EVC: variants seen among roughly 807,000 people sequenced by gnomAD.
The protein encoded by EVC is evC complex member EVC.
A neutral mutation model predicts 118.9 loss-of-function variants in EVC; 116 were observed. The ratio of observed to expected loss-of-function variants is 0.98; its 90% CI spans 0.84 to 1.14. The LOEUF is 1.14. Among genes scored for constraint, EVC ranks in the 50% most tolerant of loss-of-function variants. The pLI is 0.00. For missense variants in EVC, 1,401 were observed against 1,246.4 expected, an observed-to-expected ratio of 1.12 and a Z score of -1.87; for synonymous variants, 619 against 534.7, an observed-to-expected ratio of 1.16 and a Z score of -2.18.
chr4:5,826,157 T>C, the EVC span: 1 of 158,136 alleles, frequency 6.3e-6, no homozygotes, highest in Admixed American at 6.5e-5. Context: ...CAAAGCTTCA[T>C]GCAGGAGGAC....
chr4:5,770,151 A>G (rs1204972416), intron 11 of EVC, among the ~76,000 whole-genome samples: 1 of 152,138 alleles, frequency 6.6e-6, no homozygotes, highest in African/African-American at 2.4e-5. Flanking sequence ...AATATGTGAC[A>G]AGGCACACAG....
Position 5,719,300 on chromosome 4 carries a change from C to T in EVC, c.227C>T (p.Pro76Leu). Residue 76 changes from proline to leucine, a missense_variant, in exon 2 of 21, where the codon CCC (proline) becomes CTC (leucine). Transcript: ENST00000264956. This position sits in a 1 kb window ranked among gnomAD's most constrained non-coding sequence, Gnocchi z 4.7. ...LKNLESNAQT[P>L]SETGSPSRRR... ...AATTTGGAGTCTAATGCGCAGACCC[C>T]CTCGGAAACTGGCTCCCCATCAAGG... The T allele has an allele frequency of 6.2e-7, 1 of 1,614,156 alleles. No individual in the cohort carries two copies. Among genetic ancestry groups the T allele is most frequent in the Admixed American group, 1.7e-5 (1 of 60,026 alleles).
chr4:5,805,854 C>T (rs922561282), intron 17 of EVC, among the ~76,000 whole-genome samples: 1 of 150,700 alleles, frequency 6.6e-6, no homozygotes, highest in Non-Finnish European at 1.5e-5. Flanking sequence ...CCTTCCCTCC[C>T]TGTCACACCT....
At chr4:5,790,459 C>T (rs1299827771) in intron 12 of EVC, among the ~76,000 whole-genome samples, 1 of 152,138 alleles carries the variant, frequency 6.6e-6, no homozygotes, top group African/African-American at 2.4e-5. Flanking sequence ...CTCCAGGATG[C>T]CAGAGGTACA....
intron 6 of EVC, among the ~76,000 whole-genome samples, chr4:5,744,026 G>T (rs746904944): frequency 6.6e-6 from 1 of 152,178 alleles, no homozygotes; most frequent in East Asian, 1.9e-4. Context: ...AAGGCTGTCT[G>T]AACTTAAGCA....
chr4:5,737,149 C>T lies in EVC; in HGVS notation c.702+3714C>T, dbSNP rs62300360. Among the ~76,000 whole-genome samples the T allele has an allele frequency of 0.092, 14,062 of 152,240 alleles. 680 individuals are homozygous for T. The highest frequency in any genetic ancestry group is 0.13 in the African/African-American group (5,263 of 41,542). On this transcript the variant is annotated intron_variant, in intron 5 of 20. Transcript: ENST00000264956. The surrounding 1 kb of genome is among the most constrained non-coding windows in gnomAD (Gnocchi z 5.0). ...GAGTGGTCTGCATAGAAGATCAAAC[C>T]AGACACAACATCCCCTTAAGCCAAA...
chr4:5,761,317 G>T (rs572701315), intron 11 of EVC, among the ~76,000 whole-genome samples: 12 of 152,092 alleles, frequency 7.9e-5, no homozygotes, highest in African/African-American at 2.9e-4. Context: ...CTGGGTCCAG[G>T]GTCCTGGGTG....
At chr4:5,828,348 C>CA in the EVC span, 1 of 1,434,416 alleles carries the variant, frequency 7.0e-7, no homozygotes, top group Non-Finnish European at 9.1e-7. Flanking sequence ...GCCAGCGTCT[C>CA]AACCCATTTA....
intron 5 of EVC, among the ~76,000 whole-genome samples, chr4:5,740,479 A>C (rs200867970): frequency 0.086 from 13,094 of 151,586 alleles, 759 homozygotes; most frequent in East Asian, 0.3. Flanking sequence ...TCAAAAAAAA[A>C]AAAAAAAAGA....
intron 1 of EVC, among the ~76,000 whole-genome samples, chr4:5,717,341 G>GT (rs1364942057): frequency 3.3e-5 from 5 of 152,060 alleles, no homozygotes; most frequent in Admixed American, 6.5e-5. Flanking sequence ...TTTGTTTAAA[G>GT]TTTTTTTTCC....
Position 5,783,717 on chromosome 4 carries a change from A to G in EVC, c.1729A>G (p.Arg577Gly), listed in dbSNP as rs2152289301. The change falls in exon 12 of 21, where the codon AGG becomes GGG. Residue 577 changes from arginine (R) to glycine (G), a missense_variant. Transcript: ENST00000264956. ...WQLGKSNRFR[R>G]QQWKLFQELL... Reference sequence around the variant, plus strand: ...GCTGGGGAAGTCAAATCGCTTCCGGAGGCAGCAGTGGAAACTCTTCCAGGA... The same window carrying G: ...GCTGGGGAAGTCAAATCGCTTCCGGGGGCAGCAGTGGAAACTCTTCCAGGA... 6.2e-7 allele frequency: 1 copy of G among 1,613,908 alleles called. No homozygotes were observed. Among genetic ancestry groups the G allele is most frequent in the East Asian group, 2.2e-5 (1 of 44,864 alleles).
intron 13 of EVC, among the ~76,000 whole-genome samples, 173 bp from the exon 14 acceptor site, chr4:5,796,849 C>T (rs542819882): frequency 5.9e-5 from 9 of 151,798 alleles, no homozygotes; most frequent in South Asian, 2.1e-4. Context: ...AAGCAGATGG[C>T]GGCGTGGTGC....
chr4:5,783,502 C>A (rs1420181387), intron 11 of EVC, 50 bp from the exon 12 acceptor site: 5 of 1,572,738 alleles, frequency 3.2e-6, no homozygotes, highest in Non-Finnish European at 4.4e-6. Flanking sequence ...TCAGGCCCCA[C>A]ACAGGGTCCT....
chr4:5,766,108 A>C lies in EVC; in HGVS notation c.1563+9746A>C, dbSNP rs562691255. Reference sequence around the variant, plus strand: ...TTTTAGGGCAGGCCTGGTGGTGACAAAATCTCTCAGCATTTGCTTGTCTGT... The same window carrying C: ...TTTTAGGGCAGGCCTGGTGGTGACACAATCTCTCAGCATTTGCTTGTCTGT... On this transcript the variant is annotated intron_variant, in intron 11 of 20. Coordinates refer to ENST00000264956, the MANE Select transcript of EVC (RefSeq NM_153717.3). Among the ~76,000 whole-genome samples, 95 of 138,832 alleles carry C rather than the reference A, an allele frequency of 6.8e-4. 4 individuals are homozygous for C. Among genetic ancestry groups the C allele is most frequent in the African/African-American group, 2.3e-3 (83 of 36,482 alleles). The allele number at this position is 138,832 out of a possible 152,430, so 91.1% of individuals were successfully genotyped here.
At chr4:5,808,586 T>C (rs950233412) in intron 18 of EVC, among the ~76,000 whole-genome samples, 7 of 152,174 alleles carry the variant, frequency 4.6e-5, no homozygotes, top group Admixed American at 4.6e-4. Context: ...GAGCAGCTGG[T>C]CAGGCCTCAT....
In EVC at chr4:5,796,369, T is replaced by C. The variant is rs186663737; in HGVS notation, c.1887-653T>C. Reference sequence around the variant, plus strand: ...GATGACCACTAAGCATGAGAAATTGTAGATAATTTAAGACTTCAAATGATA... The same window carrying C: ...GATGACCACTAAGCATGAGAAATTGCAGATAATTTAAGACTTCAAATGATA... On this transcript the variant is annotated intron_variant, in intron 13 of 20. Transcript: ENST00000264956. Among the ~76,000 whole-genome samples, 207 of 152,324 alleles carry C rather than the reference T, an allele frequency of 1.4e-3. 1 individual carries two copies. The highest frequency in any genetic ancestry group is 4.8e-3 in the African/African-American group (201 of 41,574).
In EVC at chr4:5,760,095, A is replaced by G. The variant is rs1051990200; in HGVS notation, c.1563+3733A>G. On this transcript the variant is annotated intron_variant, in intron 11 of 20. Transcript: ENST00000264956. ...AAAGGAGGCAATCAGATCTGCATTT[A>G]TCTCAATGAGCAGAGAGATAACTGT... Among the ~76,000 whole-genome samples the G allele has an allele frequency of 2.0e-5, 3 of 152,096 alleles. No homozygotes were observed. In the East Asian group the frequency reaches 5.8e-4, roughly 29 times the overall value.
Position 5,754,037 on chromosome 4 carries a change from T to C in EVC, c.1464+104T>C, listed in dbSNP as rs1730807570. 3 of 1,414,890 alleles carry C rather than the reference T, an allele frequency of 2.1e-6. No homozygotes were observed. The highest frequency in any genetic ancestry group is 3.0e-6 in the Non-Finnish European group (3 of 1,008,660). 87.6% of individuals were successfully genotyped at this position (1,414,890 alleles called of 1,614,324 possible). A position where few individuals can be genotyped will look rare whatever the true frequency, so the allele number is the denominator to read the frequency against. On this transcript the variant is annotated intron_variant, in intron 10 of 20. Coordinates refer to ENST00000264956, the MANE Select transcript of EVC (RefSeq NM_153717.3). This position sits in a 1 kb window ranked among gnomAD's most constrained non-coding sequence, Gnocchi z 5.8. ...GAGGTATTCATCAGGCATGAGGTTATCTGCCTACTTCCCATGTGTCAGCCG... is the reference window on the plus strand; with the variant it reads ...GAGGTATTCATCAGGCATGAGGTTACCTGCCTACTTCCCATGTGTCAGCCG...
Position 5,793,670 on chromosome 4 carries a change from G to A in EVC, c.1839G>A (p.Glu613=), listed in dbSNP as rs1419257094. Residue 613 remains glutamate (E), a synonymous_variant, in exon 13 of 21, where the codon GAG becomes GAA. Transcript: ENST00000264956. Reference sequence around the variant, plus strand: ...AGACACACCTGCGGGAGGACCACGAGGGCACCATCCGCGGCGTCTTGGGCC... The same window carrying A: ...AGACACACCTGCGGGAGGACCACGAAGGCACCATCCGCGGCGTCTTGGGCC... ...VLQTHLREDH[E]GTIRGVLGRL... is the part of the protein sequence containing the mutation. The A allele has an allele frequency of 2.6e-6, 4 of 1,552,982 alleles. No homozygotes were observed. The East Asian group carries it at 9.7e-5, about 38-fold the overall frequency.
Sources: allele counts gnomAD v4.1 joint callset (sites outside exome capture counted in the v4.1 genomes callset), GRCh38; gene constraint gnomAD v4.1.1; non-coding constraint Gnocchi (gnomAD v3.1); transcripts MANE v1.5; gene names NCBI Gene and HGNC (gene_info 2026-07-23, HGNC 2026-07-21).